SYTL3: variants seen among roughly 807,000 people sequenced by gnomAD.
The protein encoded by SYTL3 is synaptotagmin-like protein 3.
In SYTL3, 88 loss-of-function variants were observed where a neutral mutation model predicts 82.1. That is an observed-to-expected ratio of 1.07 (90% confidence interval 0.90 to 1.28). The LOEUF is 1.28. SYTL3 is among the 50% of genes most tolerant of loss of function. The pLI, the probability that SYTL3 is intolerant of heterozygous loss-of-function variation, is 0.00. For synonymous variants in SYTL3, 311 were observed against 289.4 expected, an observed-to-expected ratio of 1.07 and a Z score of -0.76; for missense variants, 831 against 757.6, an observed-to-expected ratio of 1.10 and a Z score of -1.14.
chr6:158,693,845 T>TTTTA (rs1562384145), intron 6 of SYTL3, among the ~76,000 whole-genome samples: 1 of 76,790 alleles, frequency 1.3e-5, no homozygotes, highest in Non-Finnish European at 2.5e-5. Context: ...CCAGCCTTTC[T>TTTTA]TTTTCTTTTC....
At chr6:158,715,616 C>CACACACACACACACACACACAT (rs1491486346) in intron 9 of SYTL3, among the ~76,000 whole-genome samples, 7 of 142,840 alleles carry the variant, frequency 4.9e-5, no homozygotes, top group African/African-American at 1.3e-4. Context: ...CACACACACA[C>CACACACACACACACACACACAT]GCACGCACCC....
intron 6 of SYTL3, among the ~76,000 whole-genome samples, chr6:158,702,792 C>T (rs1781467748): frequency 1.3e-5 from 2 of 151,830 alleles, no homozygotes; most frequent in South Asian, 4.1e-4. Flanking sequence ...GTACAAAATC[C>T]GTTTTGTCAC....
chr6:158,700,795 T>G (rs1368018410), intron 6 of SYTL3, among the ~76,000 whole-genome samples: 1 of 152,244 alleles, frequency 6.6e-6, no homozygotes, highest in South Asian at 2.1e-4. Flanking sequence ...TTTTTGTACT[T>G]TTAGTAGAGA....
intron 11 of SYTL3, among the ~76,000 whole-genome samples, chr6:158,741,254 G>A (rs1786889202): frequency 6.6e-6 from 1 of 152,120 alleles, no homozygotes; most frequent in Non-Finnish European, 1.5e-5. Context: ...GTTTTTAGTA[G>A]AGACAGGGTT....
At chr6:158,722,825 G>A (rs1256769936) in intron 10 of SYTL3, among the ~76,000 whole-genome samples, 1 of 137,354 alleles carries the variant, frequency 7.3e-6, no homozygotes, top group African/African-American at 2.8e-5. Flanking sequence ...GACAGCGAGC[G>A]AACAGTCTGG....
intron 15 of SYTL3, 90 bp from the exon 16 acceptor site, chr6:158,761,983 TCTC>T: frequency 1.2e-6 from 1 of 856,016 alleles, no homozygotes; most frequent in Non-Finnish European, 1.9e-6. Flanking sequence ...TGTAGCAGAT[TCTC>T]TAGCTGAGCT....
chr6:158,763,322 C>G lies in SYTL3; in HGVS notation c.1536C>G (p.Asp512Glu). ...SFVKGCLTLPDQQKLRLKSPV... is the reference protein window; with the variant it reads ...SFVKGCLTLPEQQKLRLKSPV... ...TCTTCAGCTGTCTCACTCTGCCAGA[C>G]CAACAAAAACTGAGACTGAAGTCGC... is the stretch of plus-strand genomic sequence containing the variant. Residue 512 changes from aspartate (D) to glutamate (E), a missense_variant, in exon 17 of 18, where the codon GAC (aspartate) becomes GAG (glutamate). By Grantham distance (45) the Asp-to-Glu change is conservative. Coordinates refer to ENST00000611299, the MANE Select transcript of SYTL3 (RefSeq NM_001242394.2). 6.2e-7 allele frequency: 1 copy of G among 1,614,190 alleles called. No individual in the cohort carries two copies. Among genetic ancestry groups the G allele is most frequent in the Non-Finnish European group, 8.5e-7 (1 of 1,180,036 alleles).
intron 6 of SYTL3, among the ~76,000 whole-genome samples, chr6:158,704,699 C>T (rs1452916100): frequency 6.6e-6 from 1 of 152,282 alleles, no homozygotes; most frequent in Non-Finnish European, 1.5e-5. Flanking sequence ...CAGACCACGC[C>T]ATAGGGAGTC....
At chr6:158,664,999 C>G (rs1022792779) in intron 4 of SYTL3, among the ~76,000 whole-genome samples, 1 of 152,154 alleles carries the variant, frequency 6.6e-6, no homozygotes, top group African/African-American at 2.4e-5. Context: ...CTAGATTATT[C>G]CATGCCTTGC....
chr6:158,674,864 A>G (rs1030040895), intron 5 of SYTL3, among the ~76,000 whole-genome samples: 1 of 151,992 alleles, frequency 6.6e-6, no homozygotes, highest in Admixed American at 6.6e-5. Flanking sequence ...ATGGGTGTGT[A>G]TCCTCTGGTT....
chr6:158,677,926 A>C (rs972561846), intron 5 of SYTL3, among the ~76,000 whole-genome samples: 1 of 151,934 alleles, frequency 6.6e-6, no homozygotes, highest in Non-Finnish European at 1.5e-5. Flanking sequence ...GTCTCACACT[A>C]TTGCCCAGAC....
chr6:158,701,658 A>G (rs1360642552), intron 6 of SYTL3, among the ~76,000 whole-genome samples: 1 of 151,696 alleles, frequency 6.6e-6, no homozygotes, highest in African/African-American at 2.4e-5. Context: ...AGAAAGGGAC[A>G]GTGGAGAGGC....
intron 11 of SYTL3, among the ~76,000 whole-genome samples, chr6:158,741,992 AT>A (rs1562449444): frequency 6.6e-6 from 1 of 152,182 alleles, no homozygotes; most frequent in Non-Finnish European, 1.5e-5. Context: ...CCTTTGCAAA[AT>A]TTCTTGAGCC....
intron 11 of SYTL3, among the ~76,000 whole-genome samples, chr6:158,737,013 G>C (rs1786264424): frequency 6.9e-6 from 1 of 144,072 alleles, no homozygotes; most frequent in South Asian, 2.2e-4. Context: ...TATGTTATAT[G>C]TACTCTTTTG....
intron 2 of SYTL3, among the ~76,000 whole-genome samples, chr6:158,657,867 G>T (rs912886147): frequency 7.9e-6 from 1 of 126,440 alleles, no homozygotes; most frequent in African/African-American, 3.3e-5. Flanking sequence ...TTACACACTA[G>T]TTGCATTTCT....
chr6:158,692,356 GAAATA>G (rs1426282517), intron 6 of SYTL3, among the ~76,000 whole-genome samples: 1 of 149,048 alleles, frequency 6.7e-6, no homozygotes, highest in East Asian at 2.0e-4. Flanking sequence ...AATAGTTAGG[GAAATA>G]AAATAATTTA....
intron 8 of SYTL3, among the ~76,000 whole-genome samples, chr6:158,709,539 TG>T (rs139749303): frequency 0.02 from 2,996 of 152,264 alleles, 97 homozygotes; most frequent in African/African-American, 0.068. Flanking sequence ...GTATGGCTGT[TG>T]TGAGAAATTA....
At chr6:158,760,530 G>C in intron 14 of SYTL3, 110 bp from the exon 15 acceptor site, 3 of 900,168 alleles carry the variant, frequency 3.3e-6, no homozygotes, top group Non-Finnish European at 3.7e-6. Context: ...CCAGGGCCTT[G>C]CAGGGGCCAG....
chr6:158,759,890 T>G (rs571148367), intron 14 of SYTL3, among the ~76,000 whole-genome samples: 1 of 152,130 alleles, frequency 6.6e-6, no homozygotes, highest in East Asian at 1.9e-4. Flanking sequence ...AACATGAGTT[T>G]TTTTGTGATT....
Sources: gnomAD v4.1 joint callset for allele counts (sites outside exome capture counted in the v4.1 genomes callset) on GRCh38, gnomAD v4.1.1 for gene constraint, MANE v1.5 for transcripts, NCBI Gene and HGNC (gene_info 2026-07-23, HGNC 2026-07-21) for gene names.